The following GRK5 variants were observed in gnomAD, a reference collection of about 807,000 sequenced individuals.
GRK5 encodes g protein-coupled receptor kinase GRK5.
Under a neutral mutation model 78.4 loss-of-function variants are expected in GRK5, and 40 were observed. The observed-to-expected ratio is 0.51, with a 90% CI of 0.40 to 0.66. The LOEUF is 0.66. GRK5 is among the 30% of genes least tolerant of loss of function. The pLI is 0.00. For synonymous variants in GRK5, 289 were observed against 296.8 expected (o/e 0.97, Z 0.27); for missense variants, 598 against 759.9 (o/e 0.79, Z 2.50).
chr10:119,259,476 T>C (rs895936268), intron 1 of GRK5, among the ~76,000 whole-genome samples: 1 of 152,252 alleles, frequency 6.6e-6, no homozygotes, highest in Non-Finnish European at 1.5e-5. Context: ...TAACTGAATG[T>C]TGACACCCCA....
At chr10:119,244,686 A>AT (rs1800808533) in intron 1 of GRK5, among the ~76,000 whole-genome samples, 1 of 152,184 alleles carries the variant, frequency 6.6e-6, no homozygotes, top group African/African-American at 2.4e-5. Flanking sequence ...GTGAGCTGTG[A>AT]TTGCAATACT....
At chr10:119,380,385 C>T (rs1279578096) in intron 2 of GRK5, among the ~76,000 whole-genome samples, 1 of 152,206 alleles carries the variant, frequency 6.6e-6, no homozygotes, top group Admixed American at 6.5e-5. Flanking sequence ...CTCACCATGA[C>T]CTCCAGAGGA....
intron 2 of GRK5, among the ~76,000 whole-genome samples, chr10:119,328,334 C>A (rs191670776): frequency 6.6e-6 from 1 of 152,204 alleles, no homozygotes; most frequent in Admixed American, 6.5e-5. Context: ...GAGAGGGGAG[C>A]CAGGGAGAAC....
At chr10:119,366,839 T>C (rs59540362) in intron 2 of GRK5, among the ~76,000 whole-genome samples, 1 of 152,154 alleles carries the variant, frequency 6.6e-6, no homozygotes, top group African/African-American at 2.4e-5. Context: ...CATGGATCCC[T>C]TAAAAGTTAA....
chr10:119,429,779 C>T (rs1852777822), intron 6 of GRK5, among the ~76,000 whole-genome samples: 1 of 152,064 alleles, frequency 6.6e-6, no homozygotes, highest in African/African-American at 2.4e-5. Context: ...TGGTAAAGAT[C>T]CCCAGGACAC....
chr10:119,368,528 G>A (rs1313945783), intron 2 of GRK5, among the ~76,000 whole-genome samples: 1 of 152,186 alleles, frequency 6.6e-6, no homozygotes, highest in Non-Finnish European at 1.5e-5. Flanking sequence ...ACCGAAATGG[G>A]AGGCATTTAA....
At chr10:119,228,565 G>A (rs1026659267) in intron 1 of GRK5, among the ~76,000 whole-genome samples, 2 of 152,026 alleles carry the variant, frequency 1.3e-5, no homozygotes, top group Non-Finnish European at 2.9e-5. Flanking sequence ...AGGCTGCAGT[G>A]AGCTGTGATC....
intron 3 of GRK5, among the ~76,000 whole-genome samples, chr10:119,389,397 G>C (rs1851849648): frequency 6.6e-6 from 1 of 152,182 alleles, no homozygotes; most frequent in African/African-American, 2.4e-5. Context: ...AAGAGTGGAG[G>C]GTGCTTATAG....
intron 1 of GRK5, among the ~76,000 whole-genome samples, chr10:119,261,329 C>T (rs1451459332): frequency 1.3e-5 from 2 of 148,748 alleles, no homozygotes; most frequent in Non-Finnish European, 3.0e-5. Flanking sequence ...CTCCTCACTT[C>T]CTAGATGGGA....
chr10:119,389,154 C>G (rs1224011640), intron 3 of GRK5, among the ~76,000 whole-genome samples: 4 of 152,214 alleles, frequency 2.6e-5, no homozygotes, highest in Admixed American at 6.5e-5. Context: ...CAAATGAAAT[C>G]TCATATAGGA....
intron 2 of GRK5, among the ~76,000 whole-genome samples, chr10:119,331,143 T>A (rs1850770370): frequency 6.6e-6 from 1 of 152,306 alleles, no homozygotes; most frequent in East Asian, 1.9e-4. Flanking sequence ...GCCGCGACCA[T>A]GGGCCCCAGC....
At chr10:119,215,894 G>T (rs546220409) in intron 1 of GRK5, among the ~76,000 whole-genome samples, 1 of 152,288 alleles carries the variant, frequency 6.6e-6, no homozygotes, top group Non-Finnish European at 1.5e-5. Context: ...CCACAGGCAG[G>T]TGATCTAAAA....
chr10:119,239,105 C>T lies in GRK5; in HGVS notation c.52+31136C>T, dbSNP rs189829374. On this transcript the variant is annotated intron_variant, in intron 1 of 15. Coordinates refer to ENST00000392870, the MANE Select transcript of GRK5 (RefSeq NM_005308.3). ...GAGAAGCTTATTTTAAAAGTCAAGT[C>T]GGGTATAATAAAATAAATGAAATAA... Among the ~76,000 whole-genome samples the T allele has an allele frequency of 7.9e-5, 12 of 152,084 alleles. No individual in the cohort carries two copies. In the East Asian group the frequency reaches 9.7e-4, roughly 12 times the overall value.
chr10:119,452,954 A>G lies in GRK5; in HGVS notation c.1542+146A>G. On this transcript the variant is annotated intron_variant, in intron 14 of 15. Transcript: ENST00000392870. The surrounding 1 kb of genome is among the most constrained non-coding windows in gnomAD (Gnocchi z 4.4). ...ATGAAGGCAGCACACAAAAGCTGTC[A>G]GTGGCCAAGTAGGGAGCTGTAGCCA... is the stretch of plus-strand genomic sequence containing the variant. 9.3e-7 allele frequency: 1 copy of G among 1,074,546 alleles called. No individual in the cohort carries two copies. Among genetic ancestry groups the G allele is most frequent in the South Asian group, 1.4e-5 (1 of 70,792 alleles). The allele number at this position is 1,074,546 out of a possible 1,614,324, so 66.6% of individuals were successfully genotyped here. A position where few individuals can be genotyped will look rare whatever the true frequency, so the allele number is the denominator to read the frequency against.
chr10:119,401,844 T>A (rs1018479465), intron 4 of GRK5, among the ~76,000 whole-genome samples: 4 of 152,130 alleles, frequency 2.6e-5, no homozygotes, highest in Admixed American at 6.5e-5. Flanking sequence ...AGTGAGCCAG[T>A]CAGGATGATT....
At chr10:119,277,737 C>G (rs1037074628) in intron 1 of GRK5, among the ~76,000 whole-genome samples, 4 of 152,228 alleles carry the variant, frequency 2.6e-5, no homozygotes, top group African/African-American at 7.2e-5. Context: ...TTCCTGTCCC[C>G]TGAACCCTAA....
intron 1 of GRK5, among the ~76,000 whole-genome samples, chr10:119,215,434 G>A (rs964218088): frequency 1.8e-4 from 28 of 151,410 alleles, no homozygotes; most frequent in African/African-American, 6.8e-4. Context: ...GAGAGACAGT[G>A]TGGAGGAGGG....
chr10:119,243,417 C>T (rs1466432352), intron 1 of GRK5, among the ~76,000 whole-genome samples: 3 of 152,102 alleles, frequency 2.0e-5, no homozygotes, highest in Admixed American at 1.3e-4. Flanking sequence ...TACAAAATCC[C>T]AACTATAGTG....
chr10:119,442,882 G>A (rs576908225), intron 11 of GRK5, among the ~76,000 whole-genome samples: 1 of 152,268 alleles, frequency 6.6e-6, no homozygotes, highest in African/African-American at 2.4e-5. Flanking sequence ...TGATTGATAG[G>A]TAGGCGGGTG....
Sources: allele counts gnomAD v4.1 joint callset (sites outside exome capture counted in the v4.1 genomes callset), GRCh38; gene constraint gnomAD v4.1.1; non-coding constraint Gnocchi (gnomAD v3.1); transcripts MANE v1.5; gene names NCBI Gene and HGNC (gene_info 2026-07-23, HGNC 2026-07-21).